CLCN3: variants seen among roughly 807,000 people sequenced by gnomAD.
CLCN3 encodes the protein Cl-/H+ antiporter 3.
In CLCN3, 16 loss-of-function variants were observed where a neutral mutation model predicts 83.4. The observed-to-expected ratio is 0.19, with a 90% confidence interval of 0.13 to 0.29. CLCN3 has a LOEUF of 0.29. Among genes scored for constraint, CLCN3 ranks in the 10% least tolerant of loss-of-function variants. The probability of loss-of-function intolerance (pLI) is 1.00; values close to 1 mark genes in which losing one functional copy is unlikely to be tolerated. For synonymous variants in CLCN3, 322 were observed against 346.2 expected (o/e 0.93, Z 0.78); for missense variants, 544 against 1,006.0 (o/e 0.54, Z 6.21).
chr4:169,680,110 T>G lies in CLCN3; in HGVS notation c.221T>G (p.Leu74Arg). ...AACAGTTCTACACATTTACTGGATC[T>G]TTTGGATGAACCAATTCCAGGTGTT... Reference protein sequence around the residue: ...SINSSTHLLDLLDEPIPGVGT... With the variant: ...SINSSTHLLDRLDEPIPGVGT... The change falls in exon 3 of 13, where the codon CTT (leucine) becomes CGT (arginine). Residue 74 changes from leucine (L) to arginine (R), a missense_variant. Around this residue, in one of 6 missense-constraint regions of CLCN3, gnomAD observed 77 missense variants for 92.8 expected, o/e 0.83. Transcript: ENST00000513761. 1 of 1,611,904 alleles carries G rather than the reference T, an allele frequency of 6.2e-7. No homozygotes were observed. Among genetic ancestry groups the G allele is most frequent in the South Asian group, 1.1e-5 (1 of 91,030 alleles).
chr4:169,691,185 G>T lies in CLCN3; in HGVS notation c.729+533G>T, dbSNP rs1484314294. 9.8e-5 allele frequency among the ~76,000 whole-genome samples: 14 copies of T among 143,068 alleles called. No individual in the cohort carries two copies. In the East Asian group the frequency reaches 1.8e-3, roughly 19 times the overall value. 93.9% of individuals were successfully genotyped at this position (143,068 alleles called of 152,430 possible). On this transcript the variant is annotated intron_variant, in intron 6 of 12. Coordinates refer to ENST00000513761, the MANE Select transcript of CLCN3 (RefSeq NM_001829.4). Reference sequence around the variant, plus strand: ...TGCTAATTTTTGCATTTTTTTGTTTGTTTTTTTTTTTTAGTAGAGATGGGG... The same window carrying T: ...TGCTAATTTTTGCATTTTTTTGTTTTTTTTTTTTTTTTAGTAGAGATGGGG...
chr4:169,694,543 T>C (rs1364720767), intron 7 of CLCN3, among the ~76,000 whole-genome samples: 1 of 152,216 alleles, frequency 6.6e-6, no homozygotes, highest in Non-Finnish European at 1.5e-5. Context: ...GTAGTGAAAG[T>C]AATACAGACA....
rs1264991121 is a variant in CLCN3 at position 169,690,489 on chromosome 4, A to G, written c.607-41A>G. ...GACAAGCATTTGCATTAGAGGTGCA[A>G]TGTAAATTAAATTCATACTCTCGAA... On this transcript the variant is annotated intron_variant, in intron 5 of 12. Transcript: ENST00000513761. 5.0e-6 allele frequency: 8 copies of G among 1,590,678 alleles called. No homozygotes were observed. The African/African-American group carries it at 9.5e-5, about 19-fold the overall frequency.
chr4:169,631,453 A>AT (rs926955122), intron 1 of CLCN3, among the ~76,000 whole-genome samples: 6 of 151,244 alleles, frequency 4.0e-5, no homozygotes, highest in East Asian at 1.9e-4. Flanking sequence ...CGCCCGGCTA[A>AT]TTTTTTTTGT....
chr4:169,686,150 A>G (rs1473051936), intron 3 of CLCN3, among the ~76,000 whole-genome samples: 1 of 152,060 alleles, frequency 6.6e-6, no homozygotes, highest in Non-Finnish European at 1.5e-5. Flanking sequence ...AGGAAGGGGA[A>G]CATCACACAC....
At chr4:169,674,128 A>G (rs982508170) in intron 2 of CLCN3, among the ~76,000 whole-genome samples, 1 of 152,192 alleles carries the variant, frequency 6.6e-6, no homozygotes, top group Non-Finnish European at 1.5e-5. Context: ...TTCCTGGTCT[A>G]GGAGCTAATC....
At chr4:169,686,608 G>A (rs1220164701) in intron 3 of CLCN3, among the ~76,000 whole-genome samples, 2 of 152,028 alleles carry the variant, frequency 1.3e-5, no homozygotes, top group Non-Finnish European at 2.9e-5. Flanking sequence ...GTAGAGAAGG[G>A]GTTTCACTGT....
chr4:169,720,946 T>G lies in CLCN3; in HGVS notation c.*949T>G, dbSNP rs1733620937. 1 of 152,666 alleles carries G rather than the reference T, an allele frequency of 6.6e-6. No homozygotes were observed. Among genetic ancestry groups the G allele is most frequent in the African/African-American group, 2.4e-5 (1 of 41,462 alleles). The allele number at this position is 152,666 out of a possible 1,614,324, so 9.5% of individuals were successfully genotyped here. The stretch of plus-strand genomic sequence containing the variant: ...AACTACTACTATGATATACAAGTGC[T>G]GTTGAGCATAATTAAATAAAATGCT... On this transcript the variant is annotated 3_prime_UTR_variant, in exon 13 of 13. Coordinates refer to ENST00000513761, the MANE Select transcript of CLCN3 (RefSeq NM_001829.4).
intron 2 of CLCN3, among the ~76,000 whole-genome samples, chr4:169,666,888 T>C (rs1303733823): frequency 1.3e-5 from 2 of 152,218 alleles, no homozygotes; most frequent in South Asian, 2.1e-4. Context: ...TGAACTAATA[T>C]ATGTAATGTC....
In CLCN3 at chr4:169,707,021, G is replaced by A. The variant is rs763040164; in HGVS notation, c.1904G>A (p.Arg635Gln). ...GAAGGCATTTATGAAGCACACATCC[G>A]ATTAAATGGATACCCTTTCTTGGAT... is the stretch of plus-strand genomic sequence containing the variant. ...GREGIYEAHIRLNGYPFLDAK... is the reference protein window; with the variant it reads ...GREGIYEAHIQLNGYPFLDAK... Residue 635 changes from arginine (R) to glutamine (Q), a missense_variant, in exon 11 of 13, where the codon CGA (arginine) becomes CAA (glutamine). Around this residue, in one of 6 missense-constraint regions of CLCN3, gnomAD observed 27 missense variants for 100.2 expected, o/e 0.27. Coordinates refer to ENST00000513761, the MANE Select transcript of CLCN3 (RefSeq NM_001829.4). 1.2e-5 allele frequency: 19 copies of A among 1,614,004 alleles called. No homozygotes were observed. Among genetic ancestry groups the A allele is most frequent in the African/African-American group, 2.7e-5 (2 of 74,912 alleles).
At chr4:169,699,142 T>C (rs1478916320) in intron 9 of CLCN3, among the ~76,000 whole-genome samples, 1 of 152,228 alleles carries the variant, frequency 6.6e-6, no homozygotes, top group Non-Finnish European at 1.5e-5. Flanking sequence ...TGGACATCTT[T>C]GATGAGCCAT....
intron 2 of CLCN3, among the ~76,000 whole-genome samples, chr4:169,668,043 A>ATTTTTTTTTTTTTTTT (rs60739106): frequency 2.4e-5 from 2 of 82,344 alleles, no homozygotes; most frequent in Non-Finnish European, 2.4e-5. Context: ...CCGGCCAGAC[A>ATTTTTTTTTTTTTTTT]TTTTTTTTTT....
intron 2 of CLCN3, among the ~76,000 whole-genome samples, chr4:169,667,871 G>A (rs564831943): frequency 5.3e-5 from 8 of 150,612 alleles, no homozygotes; most frequent in East Asian, 1.9e-4. Context: ...TCAGCTTCCC[G>A]AGTAGCTGGG....
chr4:169,673,561 T>C (rs919699834), intron 2 of CLCN3, among the ~76,000 whole-genome samples: 3 of 152,094 alleles, frequency 2.0e-5, no homozygotes, highest in African/African-American at 7.2e-5. Context: ...GTATAGAAAT[T>C]TCACTTTTTT....
At chr4:169,703,697 A>G (rs1316993924) in intron 9 of CLCN3, among the ~76,000 whole-genome samples, 1 of 142,586 alleles carries the variant, frequency 7.0e-6, no homozygotes, top group Non-Finnish European at 1.5e-5. Context: ...TCATTTCACC[A>G]TGGACTAATG....
chr4:169,673,508 C>A (rs1731556997), intron 2 of CLCN3, among the ~76,000 whole-genome samples: 1 of 151,052 alleles, frequency 6.6e-6, no homozygotes, highest in Non-Finnish European at 1.5e-5. Flanking sequence ...CTTGAAAATT[C>A]TTTAAGTGGG....
chr4:169,642,002 T>C (rs6834147), intron 2 of CLCN3, among the ~76,000 whole-genome samples: 124,437 of 152,184 alleles, frequency 0.82, 52,244 homozygotes, highest in East Asian at 0.97. Flanking sequence ...CTGACACAGA[T>C]GAAGCAAAGG....
At chr4:169,641,597 G>C (rs1730414668) in intron 2 of CLCN3, among the ~76,000 whole-genome samples, 1 of 152,104 alleles carries the variant, frequency 6.6e-6, no homozygotes. Context: ...ATATTTGTAA[G>C]TTTATTCATC....
At chr4:169,621,821 G>T (rs1329847266) in intron 1 of CLCN3, among the ~76,000 whole-genome samples, 1 of 151,990 alleles carries the variant, frequency 6.6e-6, no homozygotes, top group Admixed American at 6.6e-5. Context: ...TTATGAGGTC[G>T]GTATGGAAAT....
Sources: allele counts gnomAD v4.1 joint callset (sites outside exome capture counted in the v4.1 genomes callset), GRCh38; gene constraint gnomAD v4.1.1; regional missense constraint gnomAD v4.1.1; transcripts MANE v1.5; gene names NCBI Gene and HGNC (gene_info 2026-07-23, HGNC 2026-07-21).